The following SPINT2 variants were observed in gnomAD, a reference collection of about 807,000 sequenced individuals.
SPINT2 encodes kunitz-type protease inhibitor 2.
In SPINT2, 18 loss-of-function variants were observed where a neutral mutation model predicts 30.1. The observed-to-expected ratio is 0.60, with a 90% CI of 0.41 to 0.89. The LOEUF (loss-of-function observed/expected upper bound fraction) is 0.89. SPINT2 is among the 40% of genes least tolerant of loss of function. SPINT2 has a pLI of 0.00. For missense variants in SPINT2, 276 were observed against 334.3 expected, an observed-to-expected ratio of 0.83 and a Z score of 1.36; for synonymous variants, 139 against 137.9, an observed-to-expected ratio of 1.01 and a Z score of -0.05.
At chr19:38,288,831 A>C (rs901508074) in intron 3 of SPINT2, 5 of 361,104 alleles carry the variant, frequency 1.4e-5, no homozygotes, top group South Asian at 5.7e-5. Flanking sequence ...GGAGAGGAAC[A>C]TGTCCCCCTC....
intron 1 of SPINT2, among the ~76,000 whole-genome samples, chr19:38,274,541 G>A (rs936852226): frequency 3.9e-5 from 6 of 152,030 alleles, no homozygotes; most frequent in African/African-American, 7.3e-5. Context: ...AGTGTTTTTC[G>A]CTAAGGTGGC....
chr19:38,273,906 C>T (rs575468251), intron 1 of SPINT2, among the ~76,000 whole-genome samples: 18 of 152,058 alleles, frequency 1.2e-4, no homozygotes, highest in South Asian at 2.1e-4. Context: ...AAAATACAAT[C>T]GTAAAGATAC....
intron 2 of SPINT2, among the ~76,000 whole-genome samples, chr19:38,286,013 G>A (rs767633731): frequency 6.6e-6 from 1 of 152,168 alleles, no homozygotes; most frequent in East Asian, 1.9e-4. Flanking sequence ...GGAGCAGGCA[G>A]GTTAGCTGTC....
chr19:38,269,855 C>T (rs974448946), intron 1 of SPINT2, among the ~76,000 whole-genome samples: 11 of 152,316 alleles, frequency 7.2e-5, no homozygotes, highest in South Asian at 2.1e-4. Flanking sequence ...GTGATCTGCC[C>T]GCCTCGGCCT....
intron 1 of SPINT2, among the ~76,000 whole-genome samples, chr19:38,274,218 C>A (rs1291230777): frequency 7.0e-6 from 1 of 142,758 alleles, no homozygotes; most frequent in Non-Finnish European, 1.5e-5. Context: ...AGGGCAAGTC[C>A]CTGTCTCAAA....
Position 38,290,055 on chromosome 19 carries a change from C to T in SPINT2, c.392-64C>T. 1 of 1,593,966 alleles carries T rather than the reference C, an allele frequency of 6.3e-7. No homozygotes were observed. The highest frequency in any genetic ancestry group is 1.7e-5 in the Admixed American group (1 of 59,988). On this transcript the variant is annotated intron_variant, in intron 4 of 6. Transcript: ENST00000301244. This position sits in a 1 kb window ranked among gnomAD's most constrained non-coding sequence, Gnocchi z 4.3. The stretch of plus-strand genomic sequence containing the variant: ...AGCCGCAAGCCTCCTCAGGCACTTT[C>T]TGGCTTGCTTCCCCTCCTTGCGGGC...
At position 38,283,767 on chromosome 19, in the gene SPINT2, G is replaced by T. The variant is rs1191184688; in HGVS notation, c.247G>T (p.Glu83Ter). ...CAGCAATAATTACCTGACCAAGGAG[G>T]AGTGCCTCAAGAAATGTGCCACTGT... ...GNSNNYLTKE[E>*]CLKKCATVTE... The change falls in exon 2 of 7, where the codon GAG (glutamate) becomes TAG (stop). Residue 83 changes from glutamate (E) to a stop codon, truncating the protein, a stop_gained. Coordinates refer to ENST00000301244, the MANE Select transcript of SPINT2 (RefSeq NM_021102.4). LOFTEE classifies it high-confidence loss of function. 6.2e-7 allele frequency: 1 copy of T among 1,613,812 alleles called. No homozygotes were observed. Among genetic ancestry groups the T allele is most frequent in the Non-Finnish European group, 8.5e-7 (1 of 1,179,916 alleles).
rs149527577 is a variant in SPINT2, at chr19:38,291,886, G to C, written c.639G>C (p.Leu213=). ...TCGTGATGGTGTTGATCCTCTTCCT[G>C]GGAGCCTCCATGGTCTACCTGATCC... ...GLFVMVLILF[L]GASMVYLIRV... is the part of the protein sequence containing the mutation. The change falls in exon 7 of 7, where the codon CTG becomes CTC. Residue 213 remains leucine, a synonymous_variant. Transcript: ENST00000301244. The C allele has an allele frequency of 2.7e-4, 431 of 1,613,754 alleles. 3 individuals carry two copies. In the African/African-American group the frequency reaches 5.0e-3, roughly 19 times the overall value.
At chr19:38,268,361 G>C (rs574987374) in intron 1 of SPINT2, among the ~76,000 whole-genome samples, 2 of 152,246 alleles carry the variant, frequency 1.3e-5, no homozygotes, top group Admixed American at 1.3e-4. Flanking sequence ...TGGAAAGCAC[G>C]CAGAGATTAT....
At chr19:38,276,786 A>G (rs1470243400) in intron 1 of SPINT2, among the ~76,000 whole-genome samples, 1 of 152,044 alleles carries the variant, frequency 6.6e-6, no homozygotes, top group East Asian at 1.9e-4. Flanking sequence ...TTTCTGCTCT[A>G]TCCATATGTT....
At chr19:38,285,512 T>A (rs1205559988) in intron 2 of SPINT2, among the ~76,000 whole-genome samples, 2 of 151,994 alleles carry the variant, frequency 1.3e-5, no homozygotes, top group Non-Finnish European at 2.9e-5. Context: ...ACCTGGCTAA[T>A]TTTTGTGTAT....
rs191490082 is a variant in SPINT2, at chr19:38,287,773, G to A, written c.278-103G>A. The A allele has an allele frequency of 1.5e-4, 185 of 1,240,336 alleles. No individual in the cohort carries two copies. In the African/African-American group the frequency reaches 2.6e-3, roughly 18 times the overall value. 76.8% of individuals were successfully genotyped at this position (1,240,336 alleles called of 1,614,324 possible). A position where few individuals can be genotyped will look rare whatever the true frequency, so the allele number is the denominator to read the frequency against. ...CACATTGAAGGTCCCATGTAAAGGA[G>A]AAGTGGATGCTGTGGTGAGAGGCGC... On this transcript the variant is annotated intron_variant, in intron 2 of 6. Coordinates refer to ENST00000301244, the MANE Select transcript of SPINT2 (RefSeq NM_021102.4).
At position 38,264,742 on chromosome 19, in the gene SPINT2, C is replaced by A; in HGVS notation, c.-151C>A. Reference sequence around the variant, plus strand: ...ACTGAAGGTCCGGAAAGGCGACTTCCGGGGGCTTTGGCACCTGGCGGACCC... The same window carrying A: ...ACTGAAGGTCCGGAAAGGCGACTTCAGGGGGCTTTGGCACCTGGCGGACCC... On this transcript the variant is annotated 5_prime_UTR_variant, in exon 1 of 7. Transcript: ENST00000301244. The A allele has an allele frequency of 1.3e-6, 1 of 778,022 alleles. No individual in the cohort carries two copies. Among genetic ancestry groups the A allele is most frequent in the Non-Finnish European group, 2.0e-6 (1 of 491,556 alleles). 48.2% of individuals were successfully genotyped at this position (778,022 alleles called of 1,614,324 possible). A position where few individuals can be genotyped will look rare whatever the true frequency, so the allele number is the denominator to read the frequency against.
At chr19:38,287,324 G>A (rs947025718) in intron 2 of SPINT2, among the ~76,000 whole-genome samples, 2 of 152,202 alleles carry the variant, frequency 1.3e-5, no homozygotes, top group Non-Finnish European at 2.9e-5. Context: ...TCAGCCTCCG[G>A]AGTAGCTGGG....
rs572977870 is a variant in SPINT2 at position 38,270,929 on chromosome 19, G to A, written c.106+5931G>A. On this transcript the variant is annotated intron_variant, in intron 1 of 6. Transcript: ENST00000301244. ...TAGCCCCAGGAGGCCTTGGCCCACC[G>A]GCCATGACTAATGTGGACATTAGAG... Among the ~76,000 whole-genome samples the A allele has an allele frequency of 4.6e-5, 7 of 152,270 alleles. No individual in the cohort carries two copies. The East Asian group carries it at 7.7e-4, about 17-fold the overall frequency.
Position 38,287,885 on chromosome 19 carries a change from C to T in SPINT2, c.287C>T (p.Thr96Met), listed in dbSNP as rs374390539. The T allele has an allele frequency of 1.1e-5, 17 of 1,614,066 alleles. No homozygotes were observed. The highest frequency in any genetic ancestry group is 6.7e-5 in the African/African-American group (5 of 74,934). ...CTTTGTCCCCTTGCAGAGAATGCCA[C>T]GGGTGACCTGGCCACCAGCAGGAAT... ...KKCATVTENA[T>M]GDLATSRNAA... is the part of the protein sequence containing the mutation. Residue 96 changes from threonine to methionine, a missense_variant, in exon 3 of 7, where the codon ACG becomes ATG. Physicochemically the swap from Thr to Met is moderately conservative, Grantham distance 81 (BLOSUM62 -1). Transcript: ENST00000301244.
In SPINT2 at chr19:38,290,718, G is replaced by A. The variant is rs1450593146; in HGVS notation, c.592+143G>A. On this transcript the variant is annotated intron_variant, in intron 6 of 6. Coordinates refer to ENST00000301244, the MANE Select transcript of SPINT2 (RefSeq NM_021102.4). This position sits in a 1 kb window ranked among gnomAD's most constrained non-coding sequence, Gnocchi z 4.3. The stretch of plus-strand genomic sequence containing the variant: ...AAAGTCATGTTTCTGCGTGAGAATG[G>A]CGAGGTGGTGGTTTGTCCCACCGTT... The A allele has an allele frequency of 8.4e-7, 1 of 1,186,832 alleles. No individual in the cohort carries two copies. Among genetic ancestry groups the A allele is most frequent in the Admixed American group, 2.0e-5 (1 of 50,332 alleles). The allele number at this position is 1,186,832 out of a possible 1,614,324, so 73.5% of individuals were successfully genotyped here.
intron 3 of SPINT2, 178 bp from the exon 4 acceptor site, chr19:38,288,960 G>A: frequency 3.2e-6 from 2 of 634,208 alleles, no homozygotes; most frequent in South Asian, 3.5e-5. Flanking sequence ...CACTCTCAGT[G>A]TGTGCGTAGA....
intron 4 of SPINT2, chr19:38,289,534 G>C (rs1968688714): frequency 4.4e-6 from 1 of 226,604 alleles, no homozygotes; most frequent in Non-Finnish European, 8.6e-6. Flanking sequence ...ACTTATATAT[G>C]GGGCAAAACA....
Sources: gnomAD v4.1 joint callset for allele counts (sites outside exome capture counted in the v4.1 genomes callset) on GRCh38, gnomAD v4.1.1 for gene constraint, Gnocchi (gnomAD v3.1) non-coding constraint, MANE v1.5 for transcripts, NCBI Gene and HGNC (gene_info 2026-07-23, HGNC 2026-07-21) for gene names.